Variants in LRP5 observed in about 807,000 individuals in gnomAD.
The protein encoded by LRP5 is LDL receptor related protein 5, also known as low-density lipoprotein receptor-related protein 5.
LRP5 carries 62 observed loss-of-function variants against 154.1 expected under a neutral mutation model. The observed-to-expected ratio is 0.40, with a 90% CI of 0.33 to 0.50. The LOEUF is 0.50. LRP5 is among the 20% of genes least tolerant of loss of function. The pLI is 0.55. For missense variants in LRP5, 1,915 were observed against 2,336.7 expected, an observed-to-expected ratio of 0.82 and a Z score of 3.72; for synonymous variants, 966 against 1,011.5, an observed-to-expected ratio of 0.96 and a Z score of 0.85.
rs1353875366 is a variant in LRP5, at chr11:68,403,715, C to A, written c.1801+16C>A. ...AAGGTCGTCGGTGAGTCCGGGGGGT[C>A]CCAAGCCATGGCTCAGCCATGCAGA... On this transcript the variant is annotated intron_variant, in intron 8 of 22. Transcript: ENST00000294304. 1.2e-6 allele frequency: 2 copies of A among 1,612,482 alleles called. No individual in the cohort carries two copies.
At chr11:68,434,258 G>C (rs2098673614) in intron 18 of LRP5, among the ~76,000 whole-genome samples, 1 of 152,186 alleles carries the variant, frequency 6.6e-6, no homozygotes, top group Non-Finnish European at 1.5e-5. Context: ...AAAGAGATTT[G>C]CTCAGGCATC....
chr11:68,401,459 A>G (rs190651003), intron 7 of LRP5, among the ~76,000 whole-genome samples: 2 of 152,244 alleles, frequency 1.3e-5, no homozygotes, highest in African/African-American at 4.8e-5. Flanking sequence ...GCCCTGGGCT[A>G]TCCGATTCTG....
At chr11:68,306,021 A>C in the LRP5 span, among the ~76,000 whole-genome samples, 3 of 152,160 alleles carry the variant, frequency 2.0e-5, no homozygotes, top group Admixed American at 2.0e-4. Context: ...TACCTCTTGC[A>C]ACTTCTGGGG....
chr11:68,403,153 G>A (rs1302339223), intron 7 of LRP5, among the ~76,000 whole-genome samples: 1 of 152,210 alleles, frequency 6.6e-6, no homozygotes, highest in African/African-American at 2.4e-5. Context: ...GCTGAGGCAG[G>A]AGAATCGCTT....
upstream of LRP5, among the ~76,000 whole-genome samples, chr11:68,311,385 C>G (rs538920573): frequency 9.2e-5 from 14 of 152,292 alleles, no homozygotes; most frequent in East Asian, 2.5e-3. Context: ...GCGCCTCCTC[C>G]GTGGATGTCT....
Position 68,445,536 on chromosome 11 carries a change from G to T in LRP5, c.4489-900G>T, listed in dbSNP as rs976458944. The T allele has an allele frequency of 5.0e-6, 6 of 1,195,658 alleles. No individual in the cohort carries two copies. In the African/African-American group the frequency reaches 9.3e-5, roughly 19 times the overall value. The allele number at this position is 1,195,658 out of a possible 1,614,324, so 74.1% of individuals were successfully genotyped here. On this transcript the variant is annotated intron_variant, in intron 21 of 22. Coordinates refer to ENST00000294304, the MANE Select transcript of LRP5 (RefSeq NM_002335.4). ...GGGGCCTGAGAGAACTGAGTCCCTCGGGCATAACTGACAGTTCTGTTCCCA... is the reference window on the plus strand; with the variant it reads ...GGGGCCTGAGAGAACTGAGTCCCTCTGGCATAACTGACAGTTCTGTTCCCA...
chr11:68,343,626 G>A (rs2098610434), intron 1 of LRP5, among the ~76,000 whole-genome samples: 1 of 152,186 alleles, frequency 6.6e-6, no homozygotes, highest in African/African-American at 2.4e-5. Context: ...GGGGCTGCCT[G>A]GCCTGGGTGT....
intron 1 of LRP5, among the ~76,000 whole-genome samples, chr11:68,332,422 G>C (rs765559914): frequency 6.6e-6 from 1 of 152,210 alleles, no homozygotes; most frequent in Non-Finnish European, 1.5e-5. Context: ...TCTGCACCGG[G>C]CCCTGCTCTG....
chr11:68,343,489 G>A (rs2098610345), intron 1 of LRP5, among the ~76,000 whole-genome samples: 1 of 152,136 alleles, frequency 6.6e-6, no homozygotes, highest in Non-Finnish European at 1.5e-5. Context: ...TGGTGAGTGG[G>A]ACAAGCTGGG....
intron 1 of LRP5, among the ~76,000 whole-genome samples, chr11:68,329,630 G>A (rs1022736396): frequency 1.1e-4 from 16 of 144,638 alleles, no homozygotes; most frequent in Non-Finnish European, 2.2e-4. Context: ...CAGTGACTTC[G>A]GAGCCACTCT....
At chr11:68,344,095 G>A (rs759855847) in intron 1 of LRP5, among the ~76,000 whole-genome samples, 2 of 152,048 alleles carry the variant, frequency 1.3e-5, no homozygotes, top group Non-Finnish European at 2.9e-5. Context: ...TGGGTGCATC[G>A]CCCGCAGGCT....
chr11:68,319,869 A>G (rs575146015), intron 1 of LRP5, among the ~76,000 whole-genome samples: 2 of 152,190 alleles, frequency 1.3e-5, no homozygotes, highest in South Asian at 4.1e-4. Context: ...GTTTTTAAAG[A>G]TATTGAGGCC....
intron 21 of LRP5, among the ~76,000 whole-genome samples, chr11:68,441,761 A>G (rs1471948490): frequency 6.6e-6 from 1 of 152,206 alleles, no homozygotes; most frequent in Non-Finnish European, 1.5e-5. Flanking sequence ...GTTTAACCAT[A>G]TGACTCACCC....
intron 5 of LRP5, among the ~76,000 whole-genome samples, chr11:68,375,438 C>T (rs1435122811): frequency 6.6e-6 from 1 of 152,220 alleles, no homozygotes; most frequent in Non-Finnish European, 1.5e-5. Flanking sequence ...TGAGTGTGGA[C>T]CTCCCTGCCC....
chr11:68,400,889 T>C (rs1401389902), intron 7 of LRP5, among the ~76,000 whole-genome samples: 1 of 152,224 alleles, frequency 6.6e-6, no homozygotes, highest in African/African-American at 2.4e-5. Flanking sequence ...ACCCCATCTC[T>C]ACAAAAATAG....
At chr11:68,443,306 C>T (rs113301118) in intron 21 of LRP5, among the ~76,000 whole-genome samples, 1,880 of 150,956 alleles carry the variant, frequency 0.012, 18 homozygotes, top group African/African-American at 0.029. Flanking sequence ...AGTTTGAGAC[C>T]AGCCTGGCCA....
upstream of LRP5, among the ~76,000 whole-genome samples, chr11:68,307,784 C>T (rs1591155057): frequency 6.6e-6 from 1 of 152,152 alleles, no homozygotes; most frequent in Non-Finnish European, 1.5e-5. Context: ...CACCACTGCA[C>T]TCCAGCCTGG....
chr11:68,391,355 A>T (rs2098646217), intron 7 of LRP5, among the ~76,000 whole-genome samples: 1 of 152,314 alleles, frequency 6.6e-6, no homozygotes, highest in Middle Eastern at 3.4e-3. Flanking sequence ...TTGAGGTGAC[A>T]TTGGTGCCTC....
At position 68,406,585 on chromosome 11, in the gene LRP5, C is replaced by T. The variant is rs781145030; in HGVS notation, c.1863C>T (p.His621=). 28 of 1,614,212 alleles carry T rather than the reference C, an allele frequency of 1.7e-5. No homozygotes were observed. The highest frequency in any genetic ancestry group is 5.3e-5 in the African/African-American group (4 of 75,058). Reference sequence around the variant, plus strand: ...GCCACCTGTGCTTCTTCACACCCCACGCAACCCGGTGTGGCTGCCCCATCG... The same window carrying T: ...GCCACCTGTGCTTCTTCACACCCCATGCAACCCGGTGTGGCTGCCCCATCG... ...GCSHLCFFTP[H]ATRCGCPIGL... Residue 621 remains histidine (H), a synonymous_variant, in exon 9 of 23, where the codon CAC becomes CAT. Transcript: ENST00000294304.
Sources: gnomAD v4.1 joint callset for allele counts (sites outside exome capture counted in the v4.1 genomes callset) on GRCh38, gnomAD v4.1.1 for gene constraint, MANE v1.5 for transcripts, NCBI Gene and HGNC (gene_info 2026-07-23, HGNC 2026-07-21) for gene names.